The following ZIM2 variants were observed in gnomAD, a reference collection of about 807,000 sequenced individuals.
The protein encoded by ZIM2 is zinc finger protein 656.
Under a neutral mutation model 38.6 loss-of-function variants are expected in ZIM2, and 14 were observed. The ratio of observed to expected loss-of-function variants is 0.36; its 90% confidence interval spans 0.24 to 0.57. The LOEUF (loss-of-function observed/expected upper bound fraction) is 0.57. Among genes scored for constraint, ZIM2 ranks in the 20% least tolerant of loss-of-function variants. The pLI, the probability that ZIM2 is intolerant of heterozygous loss-of-function variation, is 0.81. For synonymous variants in ZIM2, 247 were observed against 245.8 expected, an observed-to-expected ratio of 1.00 and a Z score of -0.04; for missense variants, 680 against 695.1, an observed-to-expected ratio of 0.98 and a Z score of 0.24.
chr19:56,782,223 A>G, intron 10 of ZIM2, 102 bp from the exon 11 acceptor site: 2 of 1,452,082 alleles, frequency 1.4e-6, no homozygotes, highest in Non-Finnish European at 9.3e-7. Context: ...CCAGAGCCAC[A>G]GGCACCTGGC....
intron 7 of ZIM2, among the ~76,000 whole-genome samples, chr19:56,819,874 T>C (rs1600999136): frequency 6.6e-6 from 1 of 152,232 alleles, no homozygotes; most frequent in East Asian, 1.9e-4. Context: ...GAGGACTTGC[T>C]GAGTAAGCAA....
chr19:56,809,005 T>C (rs1441091739), intron 9 of ZIM2, among the ~76,000 whole-genome samples: 2 of 152,164 alleles, frequency 1.3e-5, no homozygotes, highest in African/African-American at 4.8e-5. Flanking sequence ...AGAATAAGCA[T>C]AGCAGTAGGG....
At chr19:56,780,284 C>T (rs113039211) in intron 11 of ZIM2, among the ~76,000 whole-genome samples, 15 of 150,148 alleles carry the variant, frequency 1.0e-4, no homozygotes, top group African/African-American at 3.7e-4. Flanking sequence ...ACTCTGTCTC[C>T]CAGGCTAGAG....
intron 6 of ZIM2, chr19:56,822,435 T>C (rs1203803979): frequency 3.3e-6 from 1 of 303,166 alleles, no homozygotes; most frequent in African/African-American, 2.2e-5. Flanking sequence ...CTTCTGCCTA[T>C]GGCACTTCAT....
In ZIM2 at chr19:56,779,475, G is replaced by A; in HGVS notation, c.740-3C>T. 2 of 1,613,642 alleles carry A rather than the reference G, an allele frequency of 1.2e-6. No individual in the cohort carries two copies. Among genetic ancestry groups the A allele is most frequent in the South Asian group, 1.1e-5 (1 of 91,070 alleles). On this transcript the variant is annotated splice_region_variant and splice_polypyrimidine_tract_variant and intron_variant, in intron 11 of 12. Coordinates refer to ENST00000629319, the MANE Select transcript of ZIM2 (RefSeq NM_001387356.1). Reference sequence around the variant, plus strand: ...GTCAGGTTTAGAGAACTGGTGCCCTGTTGGAGAGGAAGACTGAGAACTCAG... The same window carrying A: ...GTCAGGTTTAGAGAACTGGTGCCCTATTGGAGAGGAAGACTGAGAACTCAG...
At chr19:56,833,270 C>T (rs1186489817) in intron 2 of ZIM2, 1 of 459,490 alleles carries the variant, frequency 2.2e-6, no homozygotes, top group Non-Finnish European at 4.4e-6. Context: ...AGATTCAGCC[C>T]CCTAACTCGT....
chr19:56,840,344 C>T (rs913260860), intron 1 of ZIM2, among the ~76,000 whole-genome samples: 10 of 152,200 alleles, frequency 6.6e-5, no homozygotes, highest in Non-Finnish European at 1.2e-4. Context: ...GCCCGGGCTG[C>T]GCCCACCCCT....
chr19:56,821,109 A>C (rs1457016765), intron 7 of ZIM2, among the ~76,000 whole-genome samples: 1 of 152,236 alleles, frequency 6.6e-6, no homozygotes, highest in East Asian at 1.9e-4. Context: ...TGTGCCAGGT[A>C]CTTTATGTAT....
chr19:56,782,368 G>T, intron 10 of ZIM2: 1 of 500,460 alleles, frequency 2.0e-6, no homozygotes, highest in Non-Finnish European at 3.7e-6. Context: ...CAGAATGCAA[G>T]CATGCAAATA....
chr19:56,813,715 C>T (rs34051133), intron 9 of ZIM2: 229,561 of 1,613,614 alleles, frequency 0.14, 18,485 homozygotes, highest in East Asian at 0.34. Flanking sequence ...GAGGGACAGG[C>T]GGTCATTGAA....
At chr19:56,824,691 A>G in intron 3 of ZIM2, 1 of 1,568,562 alleles carries the variant, frequency 6.4e-7, no homozygotes, top group Non-Finnish European at 8.7e-7. Context: ...GGAACCAAAC[A>G]TGAGTCAACA....
chr19:56,796,960 G>A (rs986914707), intron 9 of ZIM2, among the ~76,000 whole-genome samples: 14 of 152,298 alleles, frequency 9.2e-5, no homozygotes, highest in African/African-American at 9.6e-5. Flanking sequence ...CTGTGACTAC[G>A]TGAGGGTGAG....
chr19:56,832,184 A>G (rs979674427), intron 2 of ZIM2, among the ~76,000 whole-genome samples: 1 of 152,228 alleles, frequency 6.6e-6, no homozygotes, highest in Non-Finnish European at 1.5e-5. Flanking sequence ...AACTGAATAT[A>G]AAAATGTAAG....
At chr19:56,839,101 C>T (rs546706083) in intron 1 of ZIM2, among the ~76,000 whole-genome samples, 24 of 151,372 alleles carry the variant, frequency 1.6e-4, no homozygotes, top group Non-Finnish European at 2.2e-4. Context: ...ACAGCGCCTG[C>T]GCAGCAAATC....
intron 9 of ZIM2, among the ~76,000 whole-genome samples, chr19:56,803,628 C>T (rs1405701299): frequency 2.0e-5 from 3 of 152,218 alleles, no homozygotes; most frequent in Non-Finnish European, 2.9e-5. Context: ...AACGTTAGTG[C>T]CATCATTTTA....
chr19:56,839,780 G>T (rs906615089), intron 1 of ZIM2, among the ~76,000 whole-genome samples: 1 of 151,394 alleles, frequency 6.6e-6, no homozygotes, highest in African/African-American at 2.4e-5. Flanking sequence ...CAGCGCCTGC[G>T]CGGCAAACCT....
At chr19:56,839,302 G>A (rs973166901) in intron 1 of ZIM2, among the ~76,000 whole-genome samples, 8 of 147,404 alleles carry the variant, frequency 5.4e-5, no homozygotes, top group Non-Finnish European at 1.2e-4. Context: ...TGAGCAGATC[G>A]TCATATCCAA....
intron 2 of ZIM2, chr19:56,833,449 C>T (rs1030631585): frequency 1.2e-5 from 4 of 327,298 alleles, no homozygotes; most frequent in South Asian, 2.5e-5. Context: ...TACTTCAGCA[C>T]GCACATGGAG....
chr19:56,811,799 C>A (rs2059560084), intron 9 of ZIM2: 3 of 985,390 alleles, frequency 3.0e-6, no homozygotes, highest in African/African-American at 1.7e-5. Flanking sequence ...CTTTTCCAAA[C>A]TGCTCAGGAC....
Sources: allele counts gnomAD v4.1 joint callset (sites outside exome capture counted in the v4.1 genomes callset), GRCh38; gene constraint gnomAD v4.1.1; transcripts MANE v1.5; gene names NCBI Gene and HGNC (gene_info 2026-07-23, HGNC 2026-07-21).